Variants in PML observed in about 807,000 individuals in gnomAD.
The protein encoded by PML is protein PML.
A neutral mutation model predicts 65.2 loss-of-function variants in PML; 28 were observed. That is an observed-to-expected ratio of 0.43 (90% CI 0.32 to 0.59). PML has a LOEUF of 0.59. PML is among the 20% of genes least tolerant of loss of function. PML has a pLI of 0.08. For synonymous variants in PML, 500 were observed against 508.8 expected, an observed-to-expected ratio of 0.98 and a Z score of 0.23; for missense variants, 1,021 against 1,203.4, an observed-to-expected ratio of 0.85 and a Z score of 2.24.
At chr15:74,044,083 G>C (rs964156886) in intron 8 of PML, 138 bp from the exon 9 acceptor site, 1 of 776,784 alleles carries the variant, frequency 1.3e-6, no homozygotes, top group African/African-American at 1.7e-5. Context: ...GCATTTGGGG[G>C]CTGATGTGTG....
chr15:74,022,835 T>G lies in PML; in HGVS notation c.610T>G (p.Cys204Gly). 4.3e-6 allele frequency: 7 copies of G among 1,613,870 alleles called. No homozygotes were observed. Among genetic ancestry groups the G allele is most frequent in the Non-Finnish European group, 5.9e-6 (7 of 1,179,962 alleles). The change falls in exon 3 of 9, where the codon TGC becomes GGC. Residue 204 changes from cysteine (C) to glycine (G), a missense_variant. Physicochemically the swap from Cys to Gly is radical, Grantham distance 159. Coordinates refer to ENST00000268058, the MANE Select transcript of PML (RefSeq NM_033238.3). ...HRTPTLTSIY[C>G]RGCSKPLCCS... is the part of the protein sequence containing the mutation. ...AACCTTGTGTGTCCACAGCATCTACTGCCGAGGATGTTCCAAGCCGCTGTG... is the reference window on the plus strand; with the variant it reads ...AACCTTGTGTGTCCACAGCATCTACGGCCGAGGATGTTCCAAGCCGCTGTG...
In PML at chr15:74,035,435, G is replaced by C; in HGVS notation, c.1710+905G>C. The C allele has an allele frequency of 1.9e-6, 3 of 1,612,330 alleles. No homozygotes were observed. Among genetic ancestry groups the C allele is most frequent in the Non-Finnish European group, 1.7e-6 (2 of 1,180,004 alleles). The stretch of plus-strand genomic sequence containing the variant: ...CCGTCCACCGTGGGATCCGCTACCT[G>C]TTGTACAGAGCACAGAGAGCCATCC... On this transcript the variant is annotated intron_variant, in intron 7 of 8. Transcript: ENST00000268058. The surrounding 1 kb of genome is among the most constrained non-coding windows in gnomAD (Gnocchi z 4.1).
chr15:74,037,287 TC>T lies in PML; in HGVS notation c.1710+2758del. 1.0e-6 allele frequency: 1 copy of T among 985,320 alleles called. No homozygotes were observed. The highest frequency in any genetic ancestry group is 1.2e-6 in the Non-Finnish European group (1 of 829,880). 61.0% of individuals were successfully genotyped at this position (985,320 alleles called of 1,614,324 possible). On this transcript the variant is annotated intron_variant, in intron 7 of 8. Transcript: ENST00000268058. The surrounding 1 kb of genome is among the most constrained non-coding windows in gnomAD (Gnocchi z 4.2). ...TCCAATGGCATAGGGACAGTTGACA[TC>T]TTGCTATTTACAGATCCCCATCGCA...
chr15:74,033,564 C>A, intron 6 of PML, 150 bp downstream of exon 6: 1 of 862,654 alleles, frequency 1.2e-6, no homozygotes, highest in Non-Finnish European at 1.9e-6. Flanking sequence ...TCACAGTGTG[C>A]GTGGGGGTGA....
chr15:74,004,264 C>A (rs1051599175), intron 2 of PML, among the ~76,000 whole-genome samples: 3 of 152,078 alleles, frequency 2.0e-5, no homozygotes, highest in African/African-American at 7.2e-5. Flanking sequence ...CACCTGCCAC[C>A]GTGCCTGGCT....
Position 74,035,358 on chromosome 15 carries a change from A to AC in PML, c.1710+833dup, listed in dbSNP as rs779911916. The AC allele has an allele frequency of 6.2e-7, 1 of 1,610,926 alleles. No homozygotes were observed. The highest frequency in any genetic ancestry group is 1.3e-5 in the African/African-American group (1 of 74,558). On this transcript the variant is annotated intron_variant, in intron 7 of 8. Transcript: ENST00000268058. This position sits in a 1 kb window ranked among gnomAD's most constrained non-coding sequence, Gnocchi z 4.1. ...CCACCAGCCCGCTGAGCAGGCTGCC[A>AC]CCCCCGATGCTGAGCCTCACAGCGA...
Position 74,035,644 on chromosome 15 carries a change from C to A in PML, c.1710+1114C>A. 6.2e-7 allele frequency: 1 copy of A among 1,613,996 alleles called. No homozygotes were observed. Among genetic ancestry groups the A allele is most frequent in the Non-Finnish European group, 8.5e-7 (1 of 1,180,030 alleles). ...AGCCCACCCCACCGGATACGAGGGG[C>A]TGTGCGATCCCGCAGCCGCTCCCTC... On this transcript the variant is annotated intron_variant, in intron 7 of 8. Coordinates refer to ENST00000268058, the MANE Select transcript of PML (RefSeq NM_033238.3). The surrounding 1 kb of genome is among the most constrained non-coding windows in gnomAD (Gnocchi z 4.1).
rs536738558 is a variant in PML at position 74,010,185 on chromosome 15, A to ATTTTTTTTTTTT, written c.602+11726_602+11737dup. Among the ~76,000 whole-genome samples, 355 of 77,906 alleles carry ATTTTTTTTTTTT rather than the reference A, an allele frequency of 4.6e-3. 18 individuals carry two copies. Among genetic ancestry groups the ATTTTTTTTTTTT allele is most frequent in the Non-Finnish European group, 7.1e-3 (298 of 42,180 alleles). 51.1% of individuals were successfully genotyped at this position (77,906 alleles called of 152,430 possible). A position where few individuals can be genotyped will look rare whatever the true frequency, so the allele number is the denominator to read the frequency against. ...AGACATGCACCACCATGCCCAGCTA[A>ATTTTTTTTTTTT]TTTTTTTTTTTTTTTTTTTTTTTTT... On this transcript the variant is annotated intron_variant, in intron 2 of 8. Coordinates refer to ENST00000268058, the MANE Select transcript of PML (RefSeq NM_033238.3).
Position 74,024,776 on chromosome 15 carries a change from CCT to C in PML, c.1184-76_1184-75del, listed in dbSNP as rs562073751. On this transcript the variant is annotated intron_variant, in intron 3 of 8. Transcript: ENST00000268058. ...TATCCTGGAAAAGCAACAGGGACCT[CCT>C]CTCTATCACTGTCCCAGGTCAGGAT... is the stretch of plus-strand genomic sequence containing the variant. 5.0e-4 allele frequency: 507 copies of C among 1,013,496 alleles called. 4 individuals are homozygous for C. In the East Asian group the frequency reaches 0.012, roughly 23 times the overall value. 62.8% of individuals were successfully genotyped at this position (1,013,496 alleles called of 1,614,324 possible). A position where few individuals can be genotyped will look rare whatever the true frequency, so the allele number is the denominator to read the frequency against.
chr15:74,028,811 A>T (rs1156681773), intron 4 of PML, among the ~76,000 whole-genome samples: 1 of 152,176 alleles, frequency 6.6e-6, no homozygotes. Flanking sequence ...GGGTTCATCC[A>T]TGTAGCATGT....
At chr15:74,036,209 C>A (rs1348870891) in intron 7 of PML, 2 of 1,575,726 alleles carry the variant, frequency 1.3e-6, no homozygotes, top group African/African-American at 2.7e-5. Flanking sequence ...AAGAAAGAAA[C>A]TTCTGTCACC....
At position 74,045,533 on chromosome 15, in the gene PML, G is replaced by A. The variant is rs1214313074; in HGVS notation, c.*525G>A. On this transcript the variant is annotated 3_prime_UTR_variant, in exon 9 of 9. Coordinates refer to ENST00000268058, the MANE Select transcript of PML (RefSeq NM_033238.3). ...GGGTCCCCCACCCTCCACCTGCCCA[G>A]AGGCCAACTCTGTTCCCTTCTCCTT... 4.2e-6 allele frequency: 1 copy of A among 236,378 alleles called. No homozygotes were observed. The allele number at this position is 236,378 out of a possible 1,614,324, so 14.6% of individuals were successfully genotyped here.
rs28662002 is a variant in PML at position 74,030,464 on chromosome 15, C to A, written c.1255-2108C>A. Among the ~76,000 whole-genome samples, 1,252 of 152,236 alleles carry A rather than the reference C, an allele frequency of 8.2e-3. 17 individuals carry two copies. Among genetic ancestry groups the A allele is most frequent in the African/African-American group, 0.028 (1,179 of 41,536 alleles). ...AGGAGTTTGAGACCAGCCTGGCCAA[C>A]ATGGTGAAACCCCATCTCTACTAAA... is the stretch of plus-strand genomic sequence containing the variant. On this transcript the variant is annotated intron_variant, in intron 4 of 8. Coordinates refer to ENST00000268058, the MANE Select transcript of PML (RefSeq NM_033238.3).
At position 73,998,051 on chromosome 15, in the gene PML, A is replaced by G; in HGVS notation, c.177A>G (p.Gln59=). Residue 59 remains glutamine (Q), a synonymous_variant, in exon 2 of 9, where the codon CAA becomes CAG. Transcript: ENST00000268058. ...AGTTCCAGTTTCTGCGCTGCCAGCAATGCCAGGCGGAAGCCAAGTGCCCGA... is the reference window on the plus strand; with the variant it reads ...AGTTCCAGTTTCTGCGCTGCCAGCAGTGCCAGGCGGAAGCCAAGTGCCCGA... ...EEEFQFLRCQ[Q]CQAEAKCPKL... 6.2e-7 allele frequency: 1 copy of G among 1,613,080 alleles called. No homozygotes were observed. The highest frequency in any genetic ancestry group is 8.5e-7 in the Non-Finnish European group (1 of 1,179,966).
chr15:74,044,798 C>A lies in PML; in HGVS notation c.2439C>A (p.Arg813=). 1.2e-6 allele frequency: 2 copies of A among 1,613,200 alleles called. No homozygotes were observed. Among genetic ancestry groups the A allele is most frequent in the Non-Finnish European group, 1.7e-6 (2 of 1,180,032 alleles). Residue 813 remains arginine, a synonymous_variant, in exon 9 of 9, where the codon CGC becomes CGA. Coordinates refer to ENST00000268058, the MANE Select transcript of PML (RefSeq NM_033238.3). ...TCATGGAGCTGCTGAGTGCACACCGCCGTGACCGGCAGGGGGGCCTGAAGA... is the reference window on the plus strand; with the variant it reads ...TCATGGAGCTGCTGAGTGCACACCGACGTGACCGGCAGGGGGGCCTGAAGA... The part of the protein sequence containing the change: ...VSFMELLSAH[R]RDRQGGLKKY...
At chr15:74,022,408 C>T (rs1055898490) in intron 2 of PML, among the ~76,000 whole-genome samples, 1 of 152,192 alleles carries the variant, frequency 6.6e-6, no homozygotes, top group African/African-American at 2.4e-5. Context: ...GGTTAAGTGG[C>T]ATGGCTGACA....
chr15:74,015,372 A>G (rs2070523318), intron 2 of PML, among the ~76,000 whole-genome samples: 1 of 152,200 alleles, frequency 6.6e-6, no homozygotes, highest in East Asian at 1.9e-4. Context: ...TGAATTTCCA[A>G]AAGAGCTCTC....
Position 74,046,708 on chromosome 15 carries a change from G to C in PML, c.*1700G>C, listed in dbSNP as rs910282538. 2 of 232,544 alleles carry C rather than the reference G, an allele frequency of 8.6e-6. No individual in the cohort carries two copies. Among genetic ancestry groups the C allele is most frequent in the Non-Finnish European group, 1.7e-5 (2 of 117,600 alleles). 14.4% of individuals were successfully genotyped at this position (232,544 alleles called of 1,614,324 possible). ...CACCATGTGTGCTGTTTTCAGATGTGATTGAGGGGTGTTCTGCCCTGCCTC... is the reference window on the plus strand; with the variant it reads ...CACCATGTGTGCTGTTTTCAGATGTCATTGAGGGGTGTTCTGCCCTGCCTC... On this transcript the variant is annotated 3_prime_UTR_variant, in exon 9 of 9. Coordinates refer to ENST00000268058, the MANE Select transcript of PML (RefSeq NM_033238.3).
In PML at chr15:74,024,947, TGAA is replaced by T. The variant is rs773351699; in HGVS notation, c.1254+22_1254+24del. ...GACCTGGTGAGATGGGTTTGAGGTC[TGAA>T]GGGGTGGTGGTGGGGCCCAGCAGGT... On this transcript the variant is annotated intron_variant, in intron 4 of 8. Coordinates refer to ENST00000268058, the MANE Select transcript of PML (RefSeq NM_033238.3). 1.3e-6 allele frequency: 2 copies of T among 1,583,426 alleles called. No homozygotes were observed. The highest frequency in any genetic ancestry group is 3.3e-5 in the Admixed American group (2 of 59,946).
Sources: gnomAD v4.1 joint callset for allele counts (sites outside exome capture counted in the v4.1 genomes callset) on GRCh38, gnomAD v4.1.1 for gene constraint, Gnocchi (gnomAD v3.1) non-coding constraint, MANE v1.5 for transcripts, NCBI Gene and HGNC (gene_info 2026-07-23, HGNC 2026-07-21) for gene names.